SPECC1: variants seen among roughly 807,000 people sequenced by gnomAD.
SPECC1 encodes sperm antigen with calponin homology and coiled-coil domains 1.
In SPECC1, 62 loss-of-function variants were observed where a neutral mutation model predicts 104.1. The observed-to-expected ratio is 0.60, with a 90% CI of 0.49 to 0.74. SPECC1 has a LOEUF of 0.74. Ranked by LOEUF, SPECC1 falls within the 30% of genes least tolerant of loss-of-function variation. The probability of loss-of-function intolerance (pLI) is 0.00; values close to 1 mark genes in which losing one functional copy is unlikely to be tolerated. For synonymous variants in SPECC1, 513 were observed against 501.6 expected, an observed-to-expected ratio of 1.02 and a Z score of -0.30; for missense variants, 1,306 against 1,310.5, an observed-to-expected ratio of 1.00 and a Z score of 0.05.
Position 20,144,099 on chromosome 17 carries a change from C to T in SPECC1, c.283+33537C>T, listed in dbSNP as rs150796439. Among the ~76,000 whole-genome samples, 771 of 151,126 alleles carry T rather than the reference C, an allele frequency of 5.1e-3. 7 individuals carry two copies. The highest frequency in any genetic ancestry group is 0.018 in the African/African-American group (730 of 41,062). On this transcript the variant is annotated intron_variant, in intron 3 of 14. Coordinates refer to ENST00000395527, the MANE Select transcript of SPECC1 (RefSeq NM_001243439.2). ...ACTCCTGGGACTCCCAGAAATACTG[C>T]GGGAACTTTGCAGTTGGGACGATAA...
At chr17:20,120,054 A>T (rs938236442) in intron 3 of SPECC1, among the ~76,000 whole-genome samples, 4 of 152,218 alleles carry the variant, frequency 2.6e-5, no homozygotes, top group African/African-American at 7.2e-5. Flanking sequence ...AGCATTTTGG[A>T]TAAGGGATAC....
intron 14 of SPECC1, among the ~76,000 whole-genome samples, chr17:20,307,320 C>T (rs528171741): frequency 2.0e-4 from 31 of 152,236 alleles, no homozygotes; most frequent in African/African-American, 7.2e-4. Flanking sequence ...AATCAAAGCC[C>T]CAGAGTGTCT....
intron 3 of SPECC1, among the ~76,000 whole-genome samples, chr17:20,122,411 C>T (rs987057985): frequency 2.0e-5 from 3 of 152,126 alleles, no homozygotes; most frequent in Non-Finnish European, 4.4e-5. Context: ...AGCCATGGCA[C>T]CGGGGAACAG....
At chr17:20,290,826 C>T (rs2041139686) in intron 12 of SPECC1, among the ~76,000 whole-genome samples, 1 of 152,142 alleles carries the variant, frequency 6.6e-6, no homozygotes, top group Admixed American at 6.5e-5. Context: ...TGACAGTGTT[C>T]AATGAACTAG....
rs1038270016 is a variant in SPECC1, at chr17:20,306,101, A to G, written c.3117+19A>G. 17 of 1,607,352 alleles carry G rather than the reference A, an allele frequency of 1.1e-5. No homozygotes were observed. Among genetic ancestry groups the G allele is most frequent in the Non-Finnish European group, 1.4e-5 (17 of 1,175,372 alleles). On this transcript the variant is annotated intron_variant, in intron 14 of 14. Coordinates refer to ENST00000395527, the MANE Select transcript of SPECC1 (RefSeq NM_001243439.2). ...CAGCCTGGTACGTATCCTATTTTGT[A>G]TCCTTGTGATACTTTAATTGTATGA...
chr17:20,126,776 G>A (rs1423113917), intron 3 of SPECC1, among the ~76,000 whole-genome samples: 1 of 152,202 alleles, frequency 6.6e-6, no homozygotes, highest in Non-Finnish European at 1.5e-5. Context: ...GGTGTTTTCT[G>A]ATTAAATATG....
chr17:20,165,819 C>T (rs1229070443), intron 3 of SPECC1, among the ~76,000 whole-genome samples: 4 of 151,848 alleles, frequency 2.6e-5, no homozygotes, highest in African/African-American at 7.3e-5. Context: ...ATTTTTCATA[C>T]GTTTGTTGGC....
intron 4 of SPECC1, among the ~76,000 whole-genome samples, chr17:20,210,736 A>G (rs535926296): frequency 6.6e-6 from 1 of 152,294 alleles, no homozygotes; most frequent in South Asian, 2.1e-4. Context: ...CTGATCATGT[A>G]GCGCCTTCCG....
chr17:20,242,468 A>G (rs897135186), intron 7 of SPECC1, among the ~76,000 whole-genome samples: 6 of 152,244 alleles, frequency 3.9e-5, no homozygotes, highest in Non-Finnish European at 2.9e-5. Context: ...TGTGTGACAC[A>G]GCATCAGGCG....
chr17:20,196,544 T>C (rs2036046779), intron 3 of SPECC1, among the ~76,000 whole-genome samples: 2 of 152,242 alleles, frequency 1.3e-5, no homozygotes, highest in South Asian at 4.1e-4. Flanking sequence ...ATAAATTTTC[T>C]TTCAAAAATC....
At chr17:20,127,829 A>G (rs190295250) in intron 3 of SPECC1, among the ~76,000 whole-genome samples, 3 of 152,120 alleles carry the variant, frequency 2.0e-5, no homozygotes. Flanking sequence ...TCAGCTGGCC[A>G]TGGCTGTTTC....
chr17:20,231,926 G>A lies in SPECC1; in HGVS notation c.2145+95G>A, dbSNP rs1038037379. On this transcript the variant is annotated intron_variant, in intron 6 of 14. Transcript: ENST00000395527. ...TCTCTATCCTGCTTTCTCTTGGAAC[G>A]TTTCCACGGCATGGTGGGCCCTGGA... is the stretch of plus-strand genomic sequence containing the variant. 9 of 1,319,870 alleles carry A rather than the reference G, an allele frequency of 6.8e-6. No individual in the cohort carries two copies. In the African/African-American group the frequency reaches 8.7e-5, roughly 13 times the overall value. 81.8% of individuals were successfully genotyped at this position (1,319,870 alleles called of 1,614,324 possible). A position where few individuals can be genotyped will look rare whatever the true frequency, so the allele number is the denominator to read the frequency against.
chr17:20,137,717 G>A (rs561287055), intron 3 of SPECC1, among the ~76,000 whole-genome samples: 301 of 152,202 alleles, frequency 2.0e-3, no homozygotes, highest in Non-Finnish European at 3.5e-3. Flanking sequence ...CCAGGCTGGA[G>A]TGCAGTGGCA....
chr17:20,194,183 G>T (rs1471452625), intron 3 of SPECC1, among the ~76,000 whole-genome samples: 1 of 152,170 alleles, frequency 6.6e-6, no homozygotes, highest in Non-Finnish European at 1.5e-5. Flanking sequence ...AGGGATCTCA[G>T]ATAAGACTTT....
intron 3 of SPECC1, among the ~76,000 whole-genome samples, chr17:20,161,937 G>A (rs1255884794): frequency 6.6e-6 from 1 of 151,812 alleles, no homozygotes; most frequent in Non-Finnish European, 1.5e-5. Context: ...TGGGACTACA[G>A]GTGCGTGCCA....
At chr17:20,267,156 C>A (rs925782103) in intron 12 of SPECC1, among the ~76,000 whole-genome samples, 1 of 152,178 alleles carries the variant, frequency 6.6e-6, no homozygotes, top group African/African-American at 2.4e-5. Context: ...CCCTTCCTCA[C>A]ATTCTGCTCA....
chr17:20,219,600 G>GCAAGTATT, intron 4 of SPECC1, among the ~76,000 whole-genome samples: 1 of 152,286 alleles, frequency 6.6e-6, no homozygotes, highest in African/African-American at 2.4e-5. Context: ...TGGGTAGTTT[G>GCAAGTATT]CAAGTATTTT....
intron 7 of SPECC1, among the ~76,000 whole-genome samples, chr17:20,239,953 G>A (rs1013486932): frequency 7.5e-6 from 1 of 134,210 alleles, no homozygotes; most frequent in Non-Finnish European, 1.5e-5. Flanking sequence ...GAGTGCAGTG[G>A]TACAGTCATG....
chr17:20,156,269 C>A, intron 3 of SPECC1: 8 of 1,295,636 alleles, frequency 6.2e-6, no homozygotes, highest in Non-Finnish European at 6.9e-6. Context: ...GCGCCGCAGC[C>A]GCAACCCCAC....
Sources: allele counts gnomAD v4.1 joint callset (sites outside exome capture counted in the v4.1 genomes callset), GRCh38; gene constraint gnomAD v4.1.1; transcripts MANE v1.5; gene names NCBI Gene and HGNC (gene_info 2026-07-23, HGNC 2026-07-21).